TACC1: variants seen among roughly 807,000 people sequenced by gnomAD.
The protein encoded by TACC1 is transforming acidic coiled-coil-containing protein 1.
TACC1 carries 48 observed loss-of-function variants against 84.4 expected under a neutral mutation model. That is an observed-to-expected ratio of 0.57 (90% CI 0.45 to 0.72). The LOEUF is 0.72. TACC1 is among the 30% of genes least tolerant of loss of function. The pLI is 0.00. For synonymous variants in TACC1, 372 were observed against 376.3 expected, an observed-to-expected ratio of 0.99 and a Z score of 0.13; for missense variants, 920 against 973.0, an observed-to-expected ratio of 0.95 and a Z score of 0.72.
intron 5 of TACC1, among the ~76,000 whole-genome samples, chr8:38,828,258 A>G (rs933803994): frequency 1.3e-5 from 2 of 152,204 alleles, no homozygotes; most frequent in African/African-American, 4.8e-5. Context: ...TCTTCAGAGA[A>G]ACAAAGTAAG....
chr8:38,752,669 C>G (rs1207487738), intron 3 of TACC1, among the ~76,000 whole-genome samples: 1 of 152,076 alleles, frequency 6.6e-6, no homozygotes, highest in Non-Finnish European at 1.5e-5. Flanking sequence ...GCCCACTGAC[C>G]CAGAGACTAA....
chr8:38,803,692 A>G (rs1821962910), intron 2 of TACC1, among the ~76,000 whole-genome samples: 1 of 152,080 alleles, frequency 6.6e-6, no homozygotes, highest in Non-Finnish European at 1.5e-5. Context: ...TTTTGCATCT[A>G]TATTCAATAA....
In TACC1 at chr8:38,812,333, A is replaced by G. The variant is rs1824388661; in HGVS notation, c.278-7189A>G. On this transcript the variant is annotated intron_variant, in intron 2 of 12. Transcript: ENST00000317827. Reference sequence around the variant, plus strand: ...CTCCCCTTTTGAAATCCTTAATAAAAACATGCTGGTTTTGCAGCTCAGGGG... The same window carrying G: ...CTCCCCTTTTGAAATCCTTAATAAAGACATGCTGGTTTTGCAGCTCAGGGG... 3.3e-5 allele frequency among the ~76,000 whole-genome samples: 5 copies of G among 152,216 alleles called. 1 individual carries two copies. In the South Asian group the frequency reaches 1.0e-3, roughly 32 times the overall value.
At chr8:38,740,997 G>A (rs1219133295) in intron 1 of TACC1, among the ~76,000 whole-genome samples, 1 of 152,012 alleles carries the variant, frequency 6.6e-6, no homozygotes, top group East Asian at 1.9e-4. Context: ...TGGCCTCTAA[G>A]GACAGTCTTG....
chr8:38,841,656 C>G (rs1389838199), intron 9 of TACC1, among the ~76,000 whole-genome samples: 1 of 152,184 alleles, frequency 6.6e-6, no homozygotes, highest in African/African-American at 2.4e-5. Flanking sequence ...TAGAAGATGG[C>G]AGGCCTTGAA....
chr8:38,823,936 T>G (rs920659004), intron 3 of TACC1: 1 of 1,294,922 alleles, frequency 7.7e-7, no homozygotes, highest in African/African-American at 1.5e-5. Flanking sequence ...TTTACATGAT[T>G]TTTTTCTCCA....
chr8:38,788,972 G>C (rs1253746162), intron 2 of TACC1, among the ~76,000 whole-genome samples, 153 bp downstream of exon 2: 1 of 152,182 alleles, frequency 6.6e-6, no homozygotes. Flanking sequence ...GTATTTTTAG[G>C]GGTGTGGTGA....
chr8:38,846,474 A>G (rs1287757029), intron 11 of TACC1: 2 of 440,912 alleles, frequency 4.5e-6, no homozygotes, highest in Admixed American at 4.0e-5. Flanking sequence ...TGTTATAGAA[A>G]CCATTTGCTA....
In TACC1 at chr8:38,842,395, A is replaced by G; in HGVS notation, c.2069A>G (p.Asp690Gly). 1 of 1,614,166 alleles carries G rather than the reference A, an allele frequency of 6.2e-7. No homozygotes were observed. The highest frequency in any genetic ancestry group is 8.5e-7 in the Non-Finnish European group (1 of 1,180,020). ...DLNSVERSLS[D>G]LFRRYENLKG... The stretch of plus-strand genomic sequence containing the variant: ...AACTCTGTGGAAAGGTCCCTTTCTG[A>G]TCTCTTCAGGAGATATGAGAACCTG... Residue 690 changes from aspartate to glycine, a missense_variant, in exon 10 of 13, where the codon GAT becomes GGT. Coordinates refer to ENST00000317827, the MANE Select transcript of TACC1 (RefSeq NM_006283.3).
intron 2 of TACC1, among the ~76,000 whole-genome samples, chr8:38,807,208 C>T (rs2152108323): frequency 1.3e-5 from 2 of 152,294 alleles, no homozygotes; most frequent in South Asian, 4.1e-4. Flanking sequence ...TCTTCAGCCC[C>T]CTTCCCTTCC....
intron 3 of TACC1, among the ~76,000 whole-genome samples, chr8:38,767,177 G>A (rs1216552604): frequency 6.6e-6 from 1 of 152,160 alleles, no homozygotes; most frequent in Non-Finnish European, 1.5e-5. Context: ...CTTAAATAGG[G>A]GTTTGAGAAA....
chr8:38,805,251 A>G (rs567553843), intron 2 of TACC1, among the ~76,000 whole-genome samples: 3 of 152,320 alleles, frequency 2.0e-5, no homozygotes, highest in Admixed American at 6.5e-5. Flanking sequence ...TTCCCAGCTT[A>G]CTTCTAAGTC....
rs761206317 is a variant in TACC1 at position 38,820,543 on chromosome 8, G to A, written c.1299G>A (p.Thr433=). The A allele has an allele frequency of 1.2e-5, 20 of 1,613,898 alleles. No individual in the cohort carries two copies. The highest frequency in any genetic ancestry group is 1.2e-4 in the South Asian group (11 of 91,084). Residue 433 remains threonine, a synonymous_variant, in exon 3 of 13, where the codon ACG becomes ACA. Transcript: ENST00000317827. ...CCATGGATCCCTTTAAACCAACTAC[G>A]ACCTTAACAAGCAGTGACTTTTGTT... ...DESMDPFKPT[T]TLTSSDFCSP...
rs79506736 is a variant in TACC1 at position 38,818,533 on chromosome 8, C to G, written c.278-989C>G. Among the ~76,000 whole-genome samples the G allele has an allele frequency of 6.1e-3, 927 of 152,246 alleles. 7 individuals are homozygous for G. Among genetic ancestry groups the G allele is most frequent in the Non-Finnish European group, 8.3e-3 (564 of 68,014 alleles). ...TTTTTCACAAGTGATTTAGAGAATTCCTGGTCCGACTTAGAGACAGAGGTT... is the reference window on the plus strand; with the variant it reads ...TTTTTCACAAGTGATTTAGAGAATTGCTGGTCCGACTTAGAGACAGAGGTT... On this transcript the variant is annotated intron_variant, in intron 2 of 12. Transcript: ENST00000317827.
At chr8:38,730,354 CG>C (rs1563733328) in intron 1 of TACC1, among the ~76,000 whole-genome samples, 1 of 152,244 alleles carries the variant, frequency 6.6e-6, no homozygotes, top group African/African-American at 2.4e-5. Context: ...CATTACAACT[CG>C]GCCTCTCTCT....
intron 2 of TACC1, among the ~76,000 whole-genome samples, chr8:38,743,495 T>C (rs771090394): frequency 5.9e-5 from 9 of 152,122 alleles, no homozygotes; most frequent in Non-Finnish European, 1.2e-4. Flanking sequence ...GTGTTAGGGT[T>C]AGGGCTAGTT....
At chr8:38,743,920 C>A (rs1807566916) in intron 2 of TACC1, 1 of 152,188 alleles carries the variant, frequency 6.6e-6, no homozygotes, top group South Asian at 2.1e-4. Context: ...TCTGGGTGGG[C>A]AAGATAGGGC....
intron 3 of TACC1, chr8:38,757,536 G>C: frequency 4.5e-6 from 5 of 1,100,214 alleles, no homozygotes; most frequent in Non-Finnish European, 5.6e-6. Context: ...AGCGGGGCAC[G>C]AGCGCTCGGC....
chr8:38,848,468 CTAT>C lies in TACC1; in HGVS notation c.*447_*449del, dbSNP rs1832689548. 1 of 153,154 alleles carries C rather than the reference CTAT, an allele frequency of 6.5e-6. No homozygotes were observed. Among genetic ancestry groups the C allele is most frequent in the Non-Finnish European group, 1.5e-5 (1 of 68,460 alleles). 9.5% of individuals were successfully genotyped at this position (153,154 alleles called of 1,614,324 possible). ...GTTTTATTTAAGGAGACAGTTTGGC[CTAT>C]TGTTACTTCCAATTTATAATCAAGA... On this transcript the variant is annotated 3_prime_UTR_variant, in exon 13 of 13. Coordinates refer to ENST00000317827, the MANE Select transcript of TACC1 (RefSeq NM_006283.3).
Sources: gnomAD v4.1 joint callset for allele counts (sites outside exome capture counted in the v4.1 genomes callset) on GRCh38, gnomAD v4.1.1 for gene constraint, MANE v1.5 for transcripts, NCBI Gene and HGNC (gene_info 2026-07-23, HGNC 2026-07-21) for gene names.